CNTNAP3: variants seen among roughly 807,000 people sequenced by gnomAD.
CNTNAP3 encodes the protein contactin-associated protein-like 3.
A neutral mutation model predicts 92.1 loss-of-function variants in CNTNAP3; 36 were observed. The observed-to-expected ratio is 0.39, with a 90% CI of 0.30 to 0.52. The LOEUF is 0.52. Ranked by LOEUF, CNTNAP3 falls within the 20% of genes least tolerant of loss-of-function variation. The pLI, the probability that CNTNAP3 is intolerant of heterozygous loss-of-function variation, is 0.76. For missense variants in CNTNAP3, 534 were observed against 1,069.6 expected (o/e 0.50, Z 6.98); for synonymous variants, 232 against 422.3 (o/e 0.55, Z 5.53).
In CNTNAP3 at chr9:39,288,140, C is replaced by A; in HGVS notation, c.-76G>T. On this transcript the variant is annotated 5_prime_UTR_variant, in exon 1 of 24. Coordinates refer to ENST00000297668, the MANE Select transcript of CNTNAP3 (RefSeq NM_033655.5). ...GCGTCGCTCCTGCTCTCACTCCCGT[C>A]CCCTGCGCGGCTCTGACGCTGCTCT... 2 of 491,314 alleles carry A rather than the reference C, an allele frequency of 4.1e-6. 1 individual carries two copies. The highest frequency in any genetic ancestry group is 5.8e-6 in the Non-Finnish European group (2 of 342,828). 30.4% of individuals were successfully genotyped at this position (491,314 alleles called of 1,614,324 possible).
chr9:39,144,059 T>C (rs1433791380), intron 11 of CNTNAP3, among the ~76,000 whole-genome samples, 181 bp downstream of exon 11: 1 of 152,340 alleles, frequency 6.6e-6, no homozygotes, highest in East Asian at 1.9e-4. Flanking sequence ...CGTATTTCTG[T>C]GCACTGTCTC....
At chr9:39,148,188 C>T (rs1286822078) in intron 10 of CNTNAP3, among the ~76,000 whole-genome samples, 1 of 151,954 alleles carries the variant, frequency 6.6e-6, no homozygotes, top group African/African-American at 2.4e-5. Flanking sequence ...CAGCTGTGTG[C>T]CAAGAATTCA....
intron 9 of CNTNAP3, chr9:39,159,290 A>C (rs2118183756): frequency 6.7e-6 from 1 of 148,264 alleles, no homozygotes; most frequent in East Asian, 1.9e-4. Flanking sequence ...ACAAAATAAA[A>C]CACAGAAACT....
chr9:39,108,279 CCT>C (rs1491306342), intron 15 of CNTNAP3, among the ~76,000 whole-genome samples: 2 of 152,218 alleles, frequency 1.3e-5, no homozygotes, highest in South Asian at 2.1e-4. Flanking sequence ...CGGTCCCCCC[CCT>C]CTCTGGGGAG....
chr9:39,129,899 C>A (rs1292760384), intron 13 of CNTNAP3, among the ~76,000 whole-genome samples: 1 of 152,072 alleles, frequency 6.6e-6, no homozygotes, highest in Non-Finnish European at 1.5e-5. Flanking sequence ...ATAAAACATG[C>A]TCAATATTAT....
chr9:39,079,677 T>TC (rs1564067387), intron 21 of CNTNAP3, among the ~76,000 whole-genome samples: 21 of 101,656 alleles, frequency 2.1e-4, no homozygotes, highest in African/African-American at 9.4e-4. Context: ...ACATTATTTC[T>TC]TTTTTTCCTT....
At chr9:39,088,173 T>G (rs1190957568) in intron 19 of CNTNAP3, among the ~76,000 whole-genome samples, 1 of 151,944 alleles carries the variant, frequency 6.6e-6, no homozygotes, top group Non-Finnish European at 1.5e-5. Flanking sequence ...CTATCAATAA[T>G]AAGAAATATA....
intron 21 of CNTNAP3, chr9:39,084,943 C>A (rs1253658387): frequency 6.8e-6 from 1 of 147,414 alleles, no homozygotes; most frequent in Non-Finnish European, 1.5e-5. Flanking sequence ...ATATACCATC[C>A]TTGAATGAAA....
Position 39,088,610 on chromosome 9 carries a change from T to C in CNTNAP3, c.3033A>G (p.Thr1011=). The C allele has an allele frequency of 6.3e-7, 1 of 1,597,668 alleles. No individual in the cohort carries two copies. The highest frequency in any genetic ancestry group is 2.2e-5 in the East Asian group (1 of 44,888). Residue 1011 remains threonine (T), a synonymous_variant, in exon 19 of 24, where the codon ACA becomes ACG. Coordinates refer to ENST00000297668, the MANE Select transcript of CNTNAP3 (RefSeq NM_033655.5). ...AAGTGTAATGTTCTTGAAAATGGTATGTCATTGAGGAGCCAGTTGCAAAAT... is the reference window on the plus strand; with the variant it reads ...AAGTGTAATGTTCTTGAAAATGGTACGTCATTGAGGAGCCAGTTGCAAAAT... The part of the protein sequence containing the change: ...SAYFATGSSM[T]YHFQEHYTLS...
At chr9:39,114,392 T>C (rs1820804160) in intron 14 of CNTNAP3, among the ~76,000 whole-genome samples, 1 of 152,118 alleles carries the variant, frequency 6.6e-6, no homozygotes, top group African/African-American at 2.4e-5. Flanking sequence ...GCCACTTCTT[T>C]ATATATTTTA....
chr9:39,159,381 A>T (rs115072314), intron 9 of CNTNAP3: 3,082 of 130,688 alleles, frequency 0.024, 131 homozygotes, highest in African/African-American at 0.079. Context: ...ATATATATAT[A>T]TTTTTAAAAA....
intron 11 of CNTNAP3, 149 bp from the exon 12 acceptor site, chr9:39,140,787 G>A: frequency 8.3e-7 from 1 of 1,205,896 alleles, no homozygotes; most frequent in South Asian, 3.7e-5. Flanking sequence ...TTGATGAGAT[G>A]CAAAAAAATG....
chr9:39,071,293 T>TG lies in CNTNAP3; in HGVS notation c.*2596_*2597insC, dbSNP rs1480537673. ...AGTAGTAACTACTATCAAAGTATGTTAAGTTTATGCCGTAATAATGACTTT... is the reference window on the plus strand; with the variant it reads ...AGTAGTAACTACTATCAAAGTATGTTGAAGTTTATGCCGTAATAATGACTTT... On this transcript the variant is annotated 3_prime_UTR_variant, in exon 24 of 24. Coordinates refer to ENST00000297668, the MANE Select transcript of CNTNAP3 (RefSeq NM_033655.5). Among the ~76,000 whole-genome samples, 13 of 150,418 alleles carry TG rather than the reference T, an allele frequency of 8.6e-5. No homozygotes were observed. The highest frequency in any genetic ancestry group is 2.7e-4 in the African/African-American group (11 of 40,336).
chr9:39,128,351 TTAATA>T (rs1382899834), intron 13 of CNTNAP3, among the ~76,000 whole-genome samples: 43 of 152,064 alleles, frequency 2.8e-4, no homozygotes. Context: ...CAATAAAATA[TTAATA>T]AATGAAACAC....
chr9:39,147,314 G>C (rs1821727319), intron 10 of CNTNAP3, among the ~76,000 whole-genome samples: 1 of 151,798 alleles, frequency 6.6e-6, no homozygotes, highest in Non-Finnish European at 1.5e-5. Context: ...ATGCTTACAG[G>C]CCTGTTTTCA....
At chr9:39,118,653 G>T (rs964964126) in intron 13 of CNTNAP3, among the ~76,000 whole-genome samples, 1 of 152,094 alleles carries the variant, frequency 6.6e-6, no homozygotes, top group African/African-American at 2.4e-5. Context: ...ATTATACAAA[G>T]ACATTGATTT....
rs779868839 is a variant in CNTNAP3 at position 39,099,962 on chromosome 9, C to T, written c.2944G>A (p.Val982Ile). Residue 982 changes from valine to isoleucine, a missense_variant, in exon 18 of 24, where the codon GTC becomes ATC. By Grantham distance (29) the Val-to-Ile change is conservative. Transcript: ENST00000297668. ...GGRCREKRRG[V>I]TCDCAFSAYD... is the part of the protein sequence containing the mutation. ...GCTGAGAAGGCACAGTCACAGGTGA[C>T]CCCCCTGCGTTTCTCTCTGCATCTC... The T allele has an allele frequency of 7.5e-6, 12 of 1,608,310 alleles. No individual in the cohort carries two copies. The Admixed American group carries it at 1.2e-4, about 16-fold the overall frequency.
At chr9:39,099,778 T>C in intron 18 of CNTNAP3, 133 bp downstream of exon 18, 1 of 1,043,476 alleles carries the variant, frequency 9.6e-7, no homozygotes, top group Non-Finnish European at 1.4e-6. Flanking sequence ...ATAGAGGAAT[T>C]TGGTACAGAA....
rs1825476481 is a variant in CNTNAP3 at position 39,064,795 on chromosome 9, A to G, written c.*9095T>C. Among the ~76,000 whole-genome samples, 1 of 152,306 alleles carries G rather than the reference A, an allele frequency of 6.6e-6. No individual in the cohort carries two copies. On this transcript the variant is annotated 3_prime_UTR_variant, in exon 24 of 24. Coordinates refer to ENST00000297668, the MANE Select transcript of CNTNAP3 (RefSeq NM_033655.5). ...TACCACATTTTGACATTTGTATTGT[A>G]CTGTGAAAGATTTATATGTATTTGT...
Sources: allele counts gnomAD v4.1 joint callset (sites outside exome capture counted in the v4.1 genomes callset), GRCh38; gene constraint gnomAD v4.1.1; transcripts MANE v1.5; gene names NCBI Gene and HGNC (gene_info 2026-07-23, HGNC 2026-07-21).